ZNF804A: variants seen among roughly 807,000 people sequenced by gnomAD.
ZNF804A encodes the protein zinc finger protein 804A.
A neutral mutation model predicts 16.5 loss-of-function variants in ZNF804A; 2 were observed. The ratio of observed to expected loss-of-function variants is 0.12; its 90% CI spans 0.05 to 0.38. The LOEUF (loss-of-function observed/expected upper bound fraction) is 0.38, where lower values mean the gene tolerates loss of function less well. Ranked by LOEUF, ZNF804A falls within the 10% of genes least tolerant of loss-of-function variation. The pLI is 0.99. For synonymous variants in ZNF804A, 534 were observed against 489.6 expected, an observed-to-expected ratio of 1.09 and a Z score of -1.20; for missense variants, 1,473 against 1,390.7, an observed-to-expected ratio of 1.06 and a Z score of -0.94.
intron 1 of ZNF804A, among the ~76,000 whole-genome samples, chr2:184,689,614 ATAGT>A (rs1559127119): frequency 3.3e-5 from 5 of 152,044 alleles, no homozygotes; most frequent in African/African-American, 9.6e-5. Context: ...CTACAAGATA[ATAGT>A]TAGAGAAGTA....
At chr2:184,829,941 A>AAAAAAAAAAC (rs1558975002) in intron 1 of ZNF804A, among the ~76,000 whole-genome samples, 1 of 146,128 alleles carries the variant, frequency 6.8e-6, no homozygotes, top group African/African-American at 2.6e-5. Flanking sequence ...AAAAAAAAAA[A>AAAAAAAAAAC]ACCACACACA....
At chr2:184,650,542 AT>A (rs574958185) in intron 1 of ZNF804A, among the ~76,000 whole-genome samples, 18 of 152,222 alleles carry the variant, frequency 1.2e-4, no homozygotes, top group South Asian at 8.3e-4. Flanking sequence ...GGATGATATA[AT>A]TTTATACTCA....
intron 1 of ZNF804A, among the ~76,000 whole-genome samples, chr2:184,668,744 A>T (rs1309349364): frequency 2.0e-5 from 3 of 152,044 alleles, no homozygotes; most frequent in Non-Finnish European, 2.9e-5. Context: ...GAAGTGGCTT[A>T]TTATATATTA....
chr2:184,751,913 A>G (rs529486724), intron 1 of ZNF804A, among the ~76,000 whole-genome samples: 1 of 151,926 alleles, frequency 6.6e-6, no homozygotes, highest in Non-Finnish European at 1.5e-5. Flanking sequence ...AGAAATGCAA[A>G]TTAAAGCCAC....
At chr2:184,696,593 T>G (rs1692835222) in intron 1 of ZNF804A, among the ~76,000 whole-genome samples, 1 of 152,074 alleles carries the variant, frequency 6.6e-6, no homozygotes, top group South Asian at 2.1e-4. Context: ...TGCAGCACAG[T>G]TCTCACTGAA....
At chr2:184,828,068 C>A (rs961120417) in intron 1 of ZNF804A, among the ~76,000 whole-genome samples, 69 of 151,468 alleles carry the variant, frequency 4.6e-4, no homozygotes, top group Non-Finnish European at 7.8e-4. Context: ...TCAAATATAA[C>A]CATGATAATG....
intron 1 of ZNF804A, among the ~76,000 whole-genome samples, chr2:184,639,430 C>G (rs1319656895): frequency 6.6e-6 from 1 of 152,016 alleles, no homozygotes; most frequent in East Asian, 1.9e-4. Flanking sequence ...CAGTGTCACC[C>G]AAATATGCTT....
At chr2:184,777,478 T>G (rs1322492808) in intron 1 of ZNF804A, among the ~76,000 whole-genome samples, 1 of 151,506 alleles carries the variant, frequency 6.6e-6, no homozygotes, top group Non-Finnish European at 1.5e-5. Context: ...AACTGCTCTC[T>G]CAGCATCACT....
chr2:184,743,286 T>C (rs754304725), intron 1 of ZNF804A, among the ~76,000 whole-genome samples: 4 of 151,986 alleles, frequency 2.6e-5, no homozygotes, highest in African/African-American at 9.7e-5. Context: ...TAACATCCAA[T>C]GAATCAGCAA....
intron 1 of ZNF804A, among the ~76,000 whole-genome samples, chr2:184,735,981 AC>A (rs1693600259): frequency 6.6e-6 from 1 of 152,210 alleles, no homozygotes; most frequent in African/African-American, 2.4e-5. Flanking sequence ...GTAGTCCATC[AC>A]AATCTAATAT....
chr2:184,726,347 T>G (rs1693409139), intron 1 of ZNF804A, among the ~76,000 whole-genome samples: 1 of 151,642 alleles, frequency 6.6e-6, no homozygotes, highest in East Asian at 1.9e-4. Context: ...CATTGTGGTC[T>G]TAAGATACTC....
intron 1 of ZNF804A, among the ~76,000 whole-genome samples, chr2:184,642,431 T>C (rs1221423562): frequency 6.6e-6 from 1 of 152,168 alleles, no homozygotes; most frequent in Non-Finnish European, 1.5e-5. Context: ...GGAAGTATTG[T>C]TCTCCAAAAC....
intron 1 of ZNF804A, among the ~76,000 whole-genome samples, chr2:184,717,597 A>G (rs1693234260): frequency 6.6e-6 from 1 of 152,220 alleles, no homozygotes; most frequent in African/African-American, 2.4e-5. Flanking sequence ...AGAACTGTGG[A>G]AAAGGGTTAT....
At chr2:184,666,531 T>A (rs1250096152) in intron 1 of ZNF804A, among the ~76,000 whole-genome samples, 2 of 152,116 alleles carry the variant, frequency 1.3e-5, no homozygotes, top group African/African-American at 4.8e-5. Flanking sequence ...CTTTATATTT[T>A]AATTATAAGC....
rs759053144 is a variant in ZNF804A at position 184,604,146 on chromosome 2, C to CTTTTTTTTTTTTTTTTTTTTTTTTTTTTT, written c.111+5089_111+5117dup. Among the ~76,000 whole-genome samples, 2 of 44,862 alleles carry CTTTTTTTTTTTTTTTTTTTTTTTTTTTTT rather than the reference C, an allele frequency of 4.5e-5. 1 individual carries two copies. Among genetic ancestry groups the CTTTTTTTTTTTTTTTTTTTTTTTTTTTTT allele is most frequent in the Non-Finnish European group, 8.8e-5 (2 of 22,814 alleles). The allele number at this position is 44,862 out of a possible 152,430, so 29.4% of individuals were successfully genotyped here. A position where few individuals can be genotyped will look rare whatever the true frequency, so the allele number is the denominator to read the frequency against. On this transcript the variant is annotated intron_variant, in intron 1 of 3. Coordinates refer to ENST00000302277, the MANE Select transcript of ZNF804A (RefSeq NM_194250.2). ...TTCAGGTTATGGATGACTGCAATTA[C>CTTTTTTTTTTTTTTTTTTTTTTTTTTTTT]TTTTTTTTTTTTTTTTTTTTTTTTT...
chr2:184,687,114 G>T (rs1006789706), intron 1 of ZNF804A, among the ~76,000 whole-genome samples: 1 of 152,142 alleles, frequency 6.6e-6, no homozygotes. Flanking sequence ...TGTTGAGAAG[G>T]ATATTTTGTA....
At chr2:184,929,719 G>A (rs1685666914) in intron 2 of ZNF804A, among the ~76,000 whole-genome samples, 1 of 151,956 alleles carries the variant, frequency 6.6e-6, no homozygotes, top group Non-Finnish European at 1.5e-5. Context: ...TATTTCACCT[G>A]GTATTTTACT....
At chr2:184,858,633 A>G (rs935032360) in intron 1 of ZNF804A, among the ~76,000 whole-genome samples, 3 of 152,192 alleles carry the variant, frequency 2.0e-5, no homozygotes, top group African/African-American at 7.2e-5. Flanking sequence ...TGTTTTTGTT[A>G]ACTAATTATT....
intron 1 of ZNF804A, among the ~76,000 whole-genome samples, chr2:184,701,306 G>A (rs1692915980): frequency 6.6e-6 from 1 of 151,664 alleles, no homozygotes; most frequent in Admixed American, 6.6e-5. Context: ...TATAATTTTG[G>A]GAAATAACTA....
Sources: allele counts gnomAD v4.1 joint callset (sites outside exome capture counted in the v4.1 genomes callset), GRCh38; gene constraint gnomAD v4.1.1; transcripts MANE v1.5; gene names NCBI Gene and HGNC (gene_info 2026-07-23, HGNC 2026-07-21).